Variants in TNKS observed in about 807,000 individuals in gnomAD.
TNKS encodes the protein tankyrase.
In TNKS, 72 loss-of-function variants were observed where a neutral mutation model predicts 135.8. The observed-to-expected ratio is 0.53, with a 90% CI of 0.44 to 0.64. The LOEUF (loss-of-function observed/expected upper bound fraction) is 0.64, where lower values mean the gene tolerates loss of function less well. TNKS is among the 30% of genes least tolerant of loss of function. The pLI, the probability that TNKS is intolerant of heterozygous loss-of-function variation, is 0.00. For synonymous variants in TNKS, 849 were observed against 649.3 expected (o/e 1.31, Z -4.68); for missense variants, 1,769 against 1,674.0 (o/e 1.06, Z -0.99).
chr8:9,570,021 C>T (rs754230363), intron 1 of TNKS, among the ~76,000 whole-genome samples: 10 of 152,040 alleles, frequency 6.6e-5, no homozygotes, highest in African/African-American at 1.4e-4. Context: ...AATTTTGTTA[C>T]GGTTTCATTT....
intron 5 of TNKS, among the ~76,000 whole-genome samples, chr8:9,694,127 A>G (rs543664940): frequency 6.6e-6 from 1 of 152,350 alleles, no homozygotes; most frequent in East Asian, 1.9e-4. Flanking sequence ...TAGGAAATGC[A>G]TCGAACATCA....
intron 1 of TNKS, among the ~76,000 whole-genome samples, chr8:9,563,762 A>G (rs1258314105): frequency 1.3e-5 from 2 of 152,088 alleles, no homozygotes; most frequent in African/African-American, 4.8e-5. Flanking sequence ...ATTGATTATA[A>G]TTTTGTCTGC....
At chr8:9,625,287 T>C (rs981984874) in intron 3 of TNKS, among the ~76,000 whole-genome samples, 3 of 152,166 alleles carry the variant, frequency 2.0e-5, no homozygotes, top group East Asian at 1.9e-4. Flanking sequence ...ATTCCTGATA[T>C]TGGTAATTTG....
In TNKS at chr8:9,579,837, G is replaced by A. The variant is rs547991165; in HGVS notation, c.674-322G>A. ...GTTTCTATATACAGTTTTGTGTTGT[G>A]AAGCCTGAGGGGAAAGTGAGTTCCT... On this transcript the variant is annotated intron_variant, in intron 1 of 26. Transcript: ENST00000310430. 3.9e-5 allele frequency among the ~76,000 whole-genome samples: 6 copies of A among 152,296 alleles called. 1 individual carries two copies. The highest frequency in any genetic ancestry group is 1.4e-4 in the African/African-American group (6 of 41,556).
At chr8:9,721,015 C>G (rs1361649177) in intron 12 of TNKS, among the ~76,000 whole-genome samples, 1 of 152,052 alleles carries the variant, frequency 6.6e-6, no homozygotes, top group Admixed American at 6.6e-5. Flanking sequence ...GGCACAGTGG[C>G]TCACTCCTGT....
intron 1 of TNKS, among the ~76,000 whole-genome samples, chr8:9,574,171 A>G (rs915322106): frequency 2.6e-5 from 4 of 152,206 alleles, no homozygotes; most frequent in Non-Finnish European, 4.4e-5. Flanking sequence ...ATGTAATATA[A>G]TGTTATTTTT....
chr8:9,748,274 C>A (rs866419926), intron 18 of TNKS, 62 bp downstream of exon 18: 4 of 1,309,366 alleles, frequency 3.1e-6, no homozygotes, highest in Middle Eastern at 4.4e-4. Context: ...ACATCAGATT[C>A]TCGGGTTCAC....
chr8:9,572,005 C>A (rs983021087), intron 1 of TNKS, among the ~76,000 whole-genome samples: 2 of 152,088 alleles, frequency 1.3e-5, no homozygotes, highest in African/African-American at 4.8e-5. Context: ...TTCTTTGTAA[C>A]CCTATATTGT....
intron 20 of TNKS, among the ~76,000 whole-genome samples, chr8:9,760,647 A>G (rs1182744300): frequency 2.6e-5 from 4 of 152,222 alleles, no homozygotes; most frequent in Non-Finnish European, 5.9e-5. Context: ...TTCAGCCTTC[A>G]AGAAATGTGG....
chr8:9,618,878 T>C (rs1452595370), intron 3 of TNKS, among the ~76,000 whole-genome samples: 1 of 152,250 alleles, frequency 6.6e-6, no homozygotes, highest in Non-Finnish European at 1.5e-5. Context: ...CAGCCTAATG[T>C]GTTATAAACT....
chr8:9,679,956 T>C lies in TNKS; in HGVS notation c.1000T>C (p.Tyr334His). The C allele has an allele frequency of 1.9e-6, 3 of 1,613,104 alleles. No individual in the cohort carries two copies. Among genetic ancestry groups the C allele is most frequent in the Non-Finnish European group, 2.5e-6 (3 of 1,179,104 alleles). ...PSAKAVLTGE[Y>H]KKDELLEAAR... ...GATATTTTGCAATCATCTAGGTGAA[T>C]ACAAGAAAGACGAACTCCTAGAAGC... is the stretch of plus-strand genomic sequence containing the variant. Residue 334 changes from tyrosine to histidine, a missense_variant, in exon 4 of 27, where the codon TAC (tyrosine) becomes CAC (histidine). By Grantham distance (83) the Tyr-to-His change is moderately conservative (BLOSUM62 2). Transcript: ENST00000310430.
intron 20 of TNKS, among the ~76,000 whole-genome samples, chr8:9,757,194 C>T (rs972451003): frequency 1.3e-5 from 2 of 152,140 alleles, no homozygotes; most frequent in African/African-American, 4.8e-5. Context: ...TCAGGCTGGT[C>T]TCAAACTCCT....
At chr8:9,595,873 G>A (rs577836686) in intron 2 of TNKS, among the ~76,000 whole-genome samples, 117 of 152,230 alleles carry the variant, frequency 7.7e-4, no homozygotes, top group African/African-American at 2.6e-3. Flanking sequence ...GGCACTTTGG[G>A]AGGCCAAAGT....
At chr8:9,760,342 A>G (rs1250111390) in intron 20 of TNKS, among the ~76,000 whole-genome samples, 2 of 152,240 alleles carry the variant, frequency 1.3e-5, no homozygotes, top group East Asian at 1.9e-4. Flanking sequence ...CTTAGAAGCA[A>G]TATAGAAAAT....
chr8:9,640,554 T>C lies in TNKS; in HGVS notation c.994+24877T>C, dbSNP rs973597405. Among the ~76,000 whole-genome samples the C allele has an allele frequency of 1.8e-4, 26 of 146,182 alleles. 2 individuals carry two copies. Among genetic ancestry groups the C allele is most frequent in the Non-Finnish European group, 3.7e-4 (25 of 66,708 alleles). On this transcript the variant is annotated intron_variant, in intron 3 of 26. Transcript: ENST00000310430. Reference sequence around the variant, plus strand: ...GTAAATAACTATCTGACTGGATCCATTATATTCAAGAACCTGCCTTAAGTT... The same window carrying C: ...GTAAATAACTATCTGACTGGATCCACTATATTCAAGAACCTGCCTTAAGTT...
chr8:9,567,433 T>C (rs1797585213), intron 1 of TNKS, among the ~76,000 whole-genome samples: 1 of 152,222 alleles, frequency 6.6e-6, no homozygotes, highest in Non-Finnish European at 1.5e-5. Context: ...ATTTTTTTTT[T>C]GAGACGGAGT....
chr8:9,614,788 C>G (rs2128765075), intron 2 of TNKS, among the ~76,000 whole-genome samples: 1 of 152,300 alleles, frequency 6.6e-6, no homozygotes, highest in South Asian at 2.1e-4. Context: ...CCTACGTATA[C>G]ACACCACATA....
intron 11 of TNKS, among the ~76,000 whole-genome samples, chr8:9,712,083 A>T (rs1804362837): frequency 6.6e-6 from 1 of 152,230 alleles, no homozygotes. Flanking sequence ...AGGCATTCTG[A>T]TTGAGTAGGC....
chr8:9,769,386 C>T (rs1159802897), intron 25 of TNKS, among the ~76,000 whole-genome samples: 2 of 152,168 alleles, frequency 1.3e-5, no homozygotes, highest in Non-Finnish European at 1.5e-5. Flanking sequence ...TTCAGCCATA[C>T]ATTTAAGCTA....
Sources: allele counts gnomAD v4.1 joint callset (sites outside exome capture counted in the v4.1 genomes callset), GRCh38; gene constraint gnomAD v4.1.1; transcripts MANE v1.5; gene names NCBI Gene and HGNC (gene_info 2026-07-23, HGNC 2026-07-21).